LDLRAD4: variants seen among roughly 807,000 people sequenced by gnomAD.
LDLRAD4 encodes low density lipoprotein receptor class A domain containing 4, also known as low-density lipoprotein receptor class A domain-containing protein 4.
Under a neutral mutation model 17.0 loss-of-function variants are expected in LDLRAD4, and 5 were observed. That is an observed-to-expected ratio of 0.29 (90% CI 0.15 to 0.62). The LOEUF (loss-of-function observed/expected upper bound fraction) is 0.62, where lower values mean the gene tolerates loss of function less well. LDLRAD4 is among the 20% of genes least tolerant of loss of function. LDLRAD4 has a pLI of 0.84. For missense variants in LDLRAD4, 340 were observed against 424.7 expected (o/e 0.80, Z 1.75); for synonymous variants, 168 against 171.8 (o/e 0.98, Z 0.17).
At chr18:13,629,446 A>C (rs2041470308) in intron 4 of LDLRAD4, among the ~76,000 whole-genome samples, 1 of 152,236 alleles carries the variant, frequency 6.6e-6, no homozygotes, top group Non-Finnish European at 1.5e-5. Context: ...GGAAGGAAGT[A>C]AGGACAAAGG....
chr18:13,412,032 T>G (rs983650105), intron 2 of LDLRAD4, among the ~76,000 whole-genome samples: 3 of 152,054 alleles, frequency 2.0e-5, no homozygotes, highest in East Asian at 3.9e-4. Context: ...TTGGTAGAGA[T>G]AGGGTCTCAC....
At chr18:13,443,088 A>G (rs953948805) in intron 3 of LDLRAD4, among the ~76,000 whole-genome samples, 3 of 152,216 alleles carry the variant, frequency 2.0e-5, no homozygotes, top group African/African-American at 7.2e-5. Flanking sequence ...AAGTACACCC[A>G]GTTATGCCAG....
intron 1 of LDLRAD4, among the ~76,000 whole-genome samples, chr18:13,338,136 G>A (rs997264840): frequency 6.6e-6 from 1 of 152,156 alleles, no homozygotes; most frequent in African/African-American, 2.4e-5. Flanking sequence ...AATGTATATA[G>A]GTAGACACGC....
chr18:13,279,840 G>T (rs1173514178), intron 1 of LDLRAD4: 1 of 152,276 alleles, frequency 6.6e-6, no homozygotes, highest in African/African-American at 2.4e-5. Flanking sequence ...GACTTAGATT[G>T]CGAGGCGTCG....
At chr18:13,611,989 G>A (rs148799658) in intron 3 of LDLRAD4, 6 of 985,458 alleles carry the variant, frequency 6.1e-6, no homozygotes, top group East Asian at 1.1e-4. Flanking sequence ...GGGCGAGCAC[G>A]CTCTGGGAGC....
intron 4 of LDLRAD4, among the ~76,000 whole-genome samples, chr18:13,637,915 C>A (rs1034629401): frequency 6.6e-6 from 1 of 151,500 alleles, no homozygotes; most frequent in South Asian, 2.1e-4. Context: ...GGAAATTTAT[C>A]CCCCTTTAAC....
At chr18:13,643,508 G>T in intron 5 of LDLRAD4, 96 bp downstream of exon 6, 1 of 633,268 alleles carries the variant, frequency 1.6e-6, no homozygotes, top group Non-Finnish European at 2.4e-6. Context: ...AAGGGGAGGG[G>T]CCTCACCACG....
chr18:13,570,709 G>A (rs1346420068), intron 3 of LDLRAD4, among the ~76,000 whole-genome samples: 1 of 152,242 alleles, frequency 6.6e-6, no homozygotes, highest in African/African-American at 2.4e-5. Flanking sequence ...CTGTGCCAGG[G>A]CGAGCTCCAC....
At chr18:13,636,702 G>A (rs569506658) in intron 4 of LDLRAD4, among the ~76,000 whole-genome samples, 1 of 151,876 alleles carries the variant, frequency 6.6e-6, no homozygotes, top group Non-Finnish European at 1.5e-5. Flanking sequence ...TTTTCACCAT[G>A]TTGGCCAGGC....
chr18:13,229,643 A>C (rs1453723302), intron 1 of LDLRAD4, among the ~76,000 whole-genome samples: 1 of 152,248 alleles, frequency 6.6e-6, no homozygotes. Flanking sequence ...GAAAGGCTTT[A>C]GATGTGGAGG....
At chr18:13,226,931 G>C (rs1040371092) in intron 1 of LDLRAD4, among the ~76,000 whole-genome samples, 6 of 152,092 alleles carry the variant, frequency 3.9e-5, no homozygotes, top group African/African-American at 1.2e-4. Flanking sequence ...GGGCCAGGAG[G>C]GGGTGGAGTC....
chr18:13,292,517 T>G (rs1318411181), intron 1 of LDLRAD4, among the ~76,000 whole-genome samples: 1 of 152,168 alleles, frequency 6.6e-6, no homozygotes, highest in Non-Finnish European at 1.5e-5. Context: ...ACATCTCCAG[T>G]ACGTTTTGAG....
Position 13,300,319 on chromosome 18 carries a change from A to T in LDLRAD4, c.-383+22131A>T, listed in dbSNP as rs1409692318. 6.6e-6 allele frequency among the ~76,000 whole-genome samples: 1 copy of T among 152,218 alleles called. No homozygotes were observed. The highest frequency in any genetic ancestry group is 2.4e-5 in the African/African-American group (1 of 41,462). On this transcript the variant is annotated intron_variant, in intron 1 of 5. Coordinates refer to ENST00000359446, the Ensembl canonical transcript of LDLRAD4. The surrounding 1 kb of genome is among the most constrained non-coding windows in gnomAD (Gnocchi z 4.2). ...GCGCCTGTGCTCTGCCTCAGCCACA[A>T]GGCCACCTCACCAGGCAGAACAGAT...
At chr18:13,642,016 G>T (rs2042609756) in intron 4 of LDLRAD4, 4 of 985,220 alleles carry the variant, frequency 4.1e-6, no homozygotes, top group African/African-American at 1.7e-5. Flanking sequence ...TCCCGCTTCC[G>T]CCCCGCTGGC....
chr18:13,370,714 T>TTTTTTTTTTGTTTG (rs1555663223), intron 1 of LDLRAD4, among the ~76,000 whole-genome samples: 7 of 29,246 alleles, frequency 2.4e-4, no homozygotes, highest in African/African-American at 5.2e-4. Context: ...TTTTGTTTTG[T>TTTTTTTTTTGTTTG]TTTTTTTTTT....
At chr18:13,561,476 C>T (rs990283042) in intron 3 of LDLRAD4, 2 of 152,150 alleles carry the variant, frequency 1.3e-5, no homozygotes, top group Non-Finnish European at 2.9e-5. Context: ...AGAGATATTT[C>T]AAGAAAGAGA....
chr18:13,419,746 A>G (rs2089273796), intron 2 of LDLRAD4: 1 of 152,152 alleles, frequency 6.6e-6, no homozygotes, highest in African/African-American at 2.4e-5. Context: ...GCTCTAAAAT[A>G]AGGGAATTGG....
At chr18:13,254,590 G>T (rs2043403251) in intron 1 of LDLRAD4, among the ~76,000 whole-genome samples, 1 of 152,186 alleles carries the variant, frequency 6.6e-6, no homozygotes, top group African/African-American at 2.4e-5. Context: ...GGTGGTTACG[G>T]AATTGGCCGA....
At chr18:13,386,914 A>AGATAGATAGATAGATAGATAGATAGATG in intron 1 of LDLRAD4, among the ~76,000 whole-genome samples, 1 of 46,148 alleles carries the variant, frequency 2.2e-5, no homozygotes, top group Non-Finnish European at 6.5e-5. Context: ...ATAGATAGAT[A>AGATAGATAGATAGATAGATAGATAGATG]GATAGATAGA....
Sources: allele counts gnomAD v4.1 joint callset (sites outside exome capture counted in the v4.1 genomes callset), GRCh38; gene constraint gnomAD v4.1.1; non-coding constraint Gnocchi (gnomAD v3.1); transcripts MANE v1.5; gene names NCBI Gene and HGNC (gene_info 2026-07-23, HGNC 2026-07-21).